Variants in HHAT observed in about 807,000 individuals in gnomAD.
HHAT encodes hedgehog acyltransferase.
Under a neutral mutation model 70.8 loss-of-function variants are expected in HHAT, and 47 were observed. The observed-to-expected ratio is 0.66, with a 90% CI of 0.53 to 0.85. The LOEUF (loss-of-function observed/expected upper bound fraction) is 0.85, where lower values mean the gene tolerates loss of function less well. HHAT is among the 40% of genes least tolerant of loss of function. The pLI is 0.00. For missense variants in HHAT, 609 were observed against 604.8 expected (o/e 1.01, Z -0.07); for synonymous variants, 228 against 247.6 (o/e 0.92, Z 0.74).
intron 8 of HHAT, 117 bp from the exon 9 acceptor site, chr1:210,513,036 G>A: frequency 1.5e-6 from 1 of 659,346 alleles, no homozygotes; most frequent in East Asian, 3.1e-5. Context: ...GAGAACTACT[G>A]TGGTAGAGCA....
At chr1:210,573,034 T>C (rs537191726) in intron 9 of HHAT, among the ~76,000 whole-genome samples, 1 of 152,312 alleles carries the variant, frequency 6.6e-6, no homozygotes, top group East Asian at 1.9e-4. Flanking sequence ...GAGCTCTGTG[T>C]TCTGAAATCC....
intron 9 of HHAT, among the ~76,000 whole-genome samples, chr1:210,575,364 A>C (rs1280138615): frequency 6.6e-6 from 1 of 152,168 alleles, no homozygotes; most frequent in African/African-American, 2.4e-5. Flanking sequence ...CTGAGGCTTC[A>C]AGGACCTTTT....
chr1:210,546,535 C>T (rs553356242), intron 9 of HHAT, among the ~76,000 whole-genome samples: 24 of 152,184 alleles, frequency 1.6e-4, no homozygotes, highest in East Asian at 9.6e-4. Context: ...TTAGGTCCAC[C>T]GGGAGGTAAG....
At chr1:210,539,387 C>T (rs1239002854) in intron 9 of HHAT, among the ~76,000 whole-genome samples, 3 of 152,118 alleles carry the variant, frequency 2.0e-5, no homozygotes, top group Non-Finnish European at 4.4e-5. Context: ...CTGGACAAGC[C>T]CTCTTCTCAC....
At chr1:210,490,738 A>C (rs532117640) in intron 8 of HHAT, among the ~76,000 whole-genome samples, 2 of 152,324 alleles carry the variant, frequency 1.3e-5, no homozygotes, top group African/African-American at 4.8e-5. Flanking sequence ...TGTGGCATTT[A>C]ACCTGGGTGT....
chr1:210,637,502 C>T (rs928750819), intron 11 of HHAT, among the ~76,000 whole-genome samples: 5 of 152,030 alleles, frequency 3.3e-5, no homozygotes, highest in Non-Finnish European at 7.4e-5. Flanking sequence ...TTTTGCAAAT[C>T]ATATAATGAT....
intron 10 of HHAT, among the ~76,000 whole-genome samples, chr1:210,623,152 G>C (rs1669184590): frequency 6.6e-6 from 1 of 152,186 alleles, no homozygotes; most frequent in South Asian, 2.1e-4. Context: ...GCTCACTGCA[G>C]CCTCGAACTC....
chr1:210,673,773 ATTTATTTATTTAT>A (rs1680609734), intron 11 of HHAT, among the ~76,000 whole-genome samples: 3 of 101,928 alleles, frequency 2.9e-5, no homozygotes, highest in Non-Finnish European at 5.1e-5. Context: ...TTATTTATTT[ATTTATTTATTTAT>A]TTATTTATTT....
At chr1:210,425,322 G>A (rs954096108) in intron 7 of HHAT, among the ~76,000 whole-genome samples, 6 of 152,056 alleles carry the variant, frequency 3.9e-5, no homozygotes, top group Non-Finnish European at 5.9e-5. Context: ...TTGATAGTTT[G>A]TTTTGCTGTG....
intron 6 of HHAT, among the ~76,000 whole-genome samples, chr1:210,411,023 G>A (rs2092534406): frequency 6.6e-6 from 1 of 152,194 alleles, no homozygotes; most frequent in Admixed American, 6.5e-5. Flanking sequence ...ATGACAAAAT[G>A]TACCTCATGA....
chr1:210,637,857 T>G (rs1314727251), intron 11 of HHAT, among the ~76,000 whole-genome samples: 1 of 17,422 alleles, frequency 5.7e-5, no homozygotes, highest in South Asian at 4.7e-3. Flanking sequence ...AGACTCCGTC[T>G]CAAAAAAAAA....
chr1:210,391,519 C>T lies in HHAT; in HGVS notation c.273+3938C>T, dbSNP rs12031415. Among the ~76,000 whole-genome samples the T allele has an allele frequency of 4.0e-5, 6 of 151,788 alleles. No homozygotes were observed. The East Asian group carries it at 1.2e-3, about 29-fold the overall frequency. ...AGTGGAGAAGTAATTTGCAAACTGA[C>T]AAAGGATTGGCATATGGAATAAATT... On this transcript the variant is annotated intron_variant, in intron 4 of 11. Transcript: ENST00000261458.
intron 11 of HHAT, among the ~76,000 whole-genome samples, chr1:210,651,468 C>T (rs1014464306): frequency 2.0e-5 from 3 of 152,152 alleles, no homozygotes; most frequent in Non-Finnish European, 2.9e-5. Flanking sequence ...AAGTGCATCA[C>T]TAGAATCTAA....
chr1:210,448,998 C>T lies in HHAT; in HGVS notation c.857-15507C>T, dbSNP rs1189640939. 2.6e-5 allele frequency among the ~76,000 whole-genome samples: 4 copies of T among 152,314 alleles called. No individual in the cohort carries two copies. The East Asian group carries it at 7.7e-4, about 29-fold the overall frequency. On this transcript the variant is annotated intron_variant, in intron 7 of 11. Transcript: ENST00000261458. ...GTCCCCACTGAACATCACCCTGGCTCTCATGTGGCATTTGGCTATTTTTCT... is the reference window on the plus strand; with the variant it reads ...GTCCCCACTGAACATCACCCTGGCTTTCATGTGGCATTTGGCTATTTTTCT...
intron 8 of HHAT, among the ~76,000 whole-genome samples, chr1:210,472,635 T>G (rs930970034): frequency 1.3e-5 from 2 of 152,200 alleles, no homozygotes; most frequent in African/African-American, 4.8e-5. Flanking sequence ...AAATAAACTC[T>G]GTAAAATATT....
At chr1:210,334,541 T>C (rs1453155686) in intron 1 of HHAT, among the ~76,000 whole-genome samples, 2 of 152,166 alleles carry the variant, frequency 1.3e-5, no homozygotes, top group Non-Finnish European at 2.9e-5. Flanking sequence ...TTCTGTTTGA[T>C]GAAAGCTTTT....
intron 7 of HHAT, among the ~76,000 whole-genome samples, chr1:210,441,920 T>C (rs1232182443): frequency 6.6e-6 from 1 of 151,800 alleles, no homozygotes; most frequent in Non-Finnish European, 1.5e-5. Flanking sequence ...TACATATGTA[T>C]ACATGTGCCA....
At chr1:210,466,738 C>A (rs1572647728) in intron 8 of HHAT, among the ~76,000 whole-genome samples, 1 of 151,222 alleles carries the variant, frequency 6.6e-6, no homozygotes, top group Non-Finnish European at 1.5e-5. Flanking sequence ...ATTTCATATT[C>A]AAAATGATTG....
intron 11 of HHAT, among the ~76,000 whole-genome samples, chr1:210,668,093 A>C (rs1679300505): frequency 6.6e-6 from 1 of 152,126 alleles, no homozygotes; most frequent in Non-Finnish European, 1.5e-5. Context: ...GGCTTATTTT[A>C]CTTAATATGA....
Sources: gnomAD v4.1 joint callset for allele counts (sites outside exome capture counted in the v4.1 genomes callset) on GRCh38, gnomAD v4.1.1 for gene constraint, MANE v1.5 for transcripts, NCBI Gene and HGNC (gene_info 2026-07-23, HGNC 2026-07-21) for gene names.